WNK1: variants seen among roughly 807,000 people sequenced by gnomAD.
WNK1 encodes the protein WNK lysine deficient protein kinase 1.
Under a neutral mutation model 222.8 loss-of-function variants are expected in WNK1, and 38 were observed. The ratio of observed to expected loss-of-function variants is 0.17; its 90% CI spans 0.13 to 0.22. The LOEUF is 0.22. WNK1 is among the 10% of genes least tolerant of loss of function. The pLI is 1.00. For synonymous variants in WNK1, 1,090 were observed against 1,092.9 expected, an observed-to-expected ratio of 1.00 and a Z score of 0.05; for missense variants, 2,348 against 2,918.4, an observed-to-expected ratio of 0.80 and a Z score of 4.50.
intron 9 of WNK1, among the ~76,000 whole-genome samples, chr12:873,075 A>G (rs564779505): frequency 6.6e-6 from 1 of 152,350 alleles, no homozygotes; most frequent in East Asian, 1.9e-4. Flanking sequence ...TTAGAATGCA[A>G]ATTACAAGTC....
chr12:770,961 T>C (rs1942401681), intron 1 of WNK1, among the ~76,000 whole-genome samples: 1 of 152,196 alleles, frequency 6.6e-6, no homozygotes, highest in Non-Finnish European at 1.5e-5. Flanking sequence ...TAGTGTATGT[T>C]TGGAATACGT....
chr12:810,797 A>T (rs1407515510), intron 1 of WNK1, among the ~76,000 whole-genome samples: 2 of 152,230 alleles, frequency 1.3e-5, no homozygotes, highest in Non-Finnish European at 2.9e-5. Context: ...AGAAGAAATT[A>T]CATCAGTGGA....
At position 882,100 on chromosome 12, in the gene WNK1, A is replaced by T. The variant is rs748807160; in HGVS notation, c.3372+27A>T. 3.8e-6 allele frequency: 6 copies of T among 1,585,710 alleles called. No individual in the cohort carries two copies. The South Asian group carries it at 6.8e-5, about 18-fold the overall frequency. On this transcript the variant is annotated intron_variant, in intron 14 of 27. Transcript: ENST00000315939. ...TAAGTATTCCTAATTTGTGAGTTTC[A>T]TGTTGTTAAAGGAATTTGACACTGA...
intron 2 of WNK1, among the ~76,000 whole-genome samples, chr12:824,674 A>AC (rs1293557234): frequency 7.9e-5 from 6 of 75,738 alleles, no homozygotes; most frequent in Non-Finnish European, 1.3e-4. Flanking sequence ...TAGTTAAAAA[A>AC]AAGAGAGAAG....
At chr12:757,157 G>A (rs1056973341) in intron 1 of WNK1, among the ~76,000 whole-genome samples, 1 of 152,022 alleles carries the variant, frequency 6.6e-6, no homozygotes, top group Non-Finnish European at 1.5e-5. Context: ...TCAGGCTTCT[G>A]TTTTGGGTGT....
intron 26 of WNK1, among the ~76,000 whole-genome samples, chr12:901,247 TGG>T (rs1955229010): frequency 2.6e-5 from 4 of 152,204 alleles, no homozygotes; most frequent in Admixed American, 1.3e-4. Context: ...ATATAGGTAC[TGG>T]CTTATGTGCC....
At chr12:821,042 GTTTTTTTTTTTT>G (rs60880879) in intron 2 of WNK1, among the ~76,000 whole-genome samples, 7 of 79,118 alleles carry the variant, frequency 8.8e-5, no homozygotes, top group Admixed American at 1.6e-4. Context: ...AGTTTCTTGA[GTTTTTTTTTTTT>G]TTTTTTTTTT....
chr12:829,830 T>C (rs1186125549), intron 3 of WNK1, 173 bp from the exon 4 acceptor site: 5 of 655,370 alleles, frequency 7.6e-6, no homozygotes, highest in African/African-American at 3.6e-5. Flanking sequence ...TTATGAGATA[T>C]TTGATGGAAC....
chr12:869,213 T>A, intron 8 of WNK1: 1 of 1,490,170 alleles, frequency 6.7e-7, no homozygotes, highest in Non-Finnish European at 9.4e-7. Flanking sequence ...GAAATATTGT[T>A]TAATTTTATC....
chr12:905,488 T>A (rs971189247), intron 26 of WNK1, among the ~76,000 whole-genome samples: 9 of 152,162 alleles, frequency 5.9e-5, no homozygotes, highest in Admixed American at 3.3e-4. Context: ...CAGCATGAGC[T>A]CTGTGGATAA....
In WNK1 at chr12:911,280, A is replaced by AAAT. The variant is rs1490972284; in HGVS notation, c.*2491_*2493dup. The AAAT allele has an allele frequency of 5.0e-6, 2 of 398,466 alleles. No individual in the cohort carries two copies. Among genetic ancestry groups the AAAT allele is most frequent in the African/African-American group, 2.1e-5 (1 of 48,628 alleles). The allele number at this position is 398,466 out of a possible 1,614,324, so 24.7% of individuals were successfully genotyped here. On this transcript the variant is annotated 3_prime_UTR_variant, in exon 28 of 28. Coordinates refer to ENST00000315939, the MANE Select transcript of WNK1 (RefSeq NM_018979.4). The stretch of plus-strand genomic sequence containing the variant: ...ATTATTTAACAATGTACACTGTTAA[A>AAAT]AATAAAAATAAAAATTCAAACTTTG...
At chr12:894,231 T>C (rs911999401) in intron 22 of WNK1, among the ~76,000 whole-genome samples, 1 of 152,144 alleles carries the variant, frequency 6.6e-6, no homozygotes, top group African/African-American at 2.4e-5. Context: ...AAAATAAAGA[T>C]GGGTCCTTAA....
At chr12:782,980 T>G (rs1286649701) in intron 1 of WNK1, among the ~76,000 whole-genome samples, 1 of 152,044 alleles carries the variant, frequency 6.6e-6, no homozygotes, top group East Asian at 1.9e-4. Flanking sequence ...TATGGCTCAC[T>G]GCAGCTTCGA....
rs770965983 is a variant in WNK1 at position 882,001 on chromosome 12, G to T, written c.3300G>T (p.Arg1100=). ...GGCATGAAGGAAGAACTACAAAACG[G>T]CATTACCGAAAATCTGTAAGGAGTC... The part of the protein sequence containing the change: ...SGRHEGRTTK[R]HYRKSVRSRS... Residue 1100 remains arginine, a synonymous_variant, in exon 14 of 28, where the codon CGG becomes CGT. Transcript: ENST00000315939. The T allele has an allele frequency of 6.2e-7, 1 of 1,614,096 alleles. No individual in the cohort carries two copies. Among genetic ancestry groups the T allele is most frequent in the Admixed American group, 1.7e-5 (1 of 60,014 alleles).
In WNK1 at chr12:865,189, T is replaced by TC. The variant is rs11441897; in HGVS notation, c.2139+2920dup. On this transcript the variant is annotated intron_variant, in intron 8 of 27. Coordinates refer to ENST00000315939, the MANE Select transcript of WNK1 (RefSeq NM_018979.4). ...CTGTGTCCCGCATCTCTCCCAGTGC[T>TC]CTTCCACCCCACCGCCAGTACTGTC... 902,557 of 1,534,460 alleles carry TC rather than the reference T, an allele frequency of 0.59. 267,958 individuals carry two copies. The highest frequency in any genetic ancestry group is 0.61 in the Non-Finnish European group (695,042 of 1,146,024).
rs770211200 is a variant in WNK1, at chr12:885,404, C to G, written c.4600C>G (p.His1534Asp). 1 of 1,613,706 alleles carries G rather than the reference C, an allele frequency of 6.2e-7. No individual in the cohort carries two copies. The highest frequency in any genetic ancestry group is 8.5e-7 in the Non-Finnish European group (1 of 1,180,036). Residue 1534 changes from histidine to aspartate, a missense_variant, in exon 19 of 28, where the codon CAT becomes GAT. Transcript: ENST00000315939. ...VSAHSLDKTS[H>D]SSTTGLAFSL... is the part of the protein sequence containing the mutation. ...CGCACACTCACTAGATAAGACATCT[C>G]ATAGCAGTACAACTGGATTGGCTTT...
intron 4 of WNK1, 126 bp from the exon 5 acceptor site, chr12:857,035 T>G (rs1950845040): frequency 1.1e-6 from 1 of 923,136 alleles, no homozygotes; most frequent in African/African-American, 1.7e-5. Context: ...GACCAACTCC[T>G]GCAGGCGAGT....
Position 892,854 on chromosome 12 carries a change from T to C in WNK1, c.5510-1708T>C, listed in dbSNP as rs530285236. Among the ~76,000 whole-genome samples the C allele has an allele frequency of 7.9e-5, 12 of 152,270 alleles. No individual in the cohort carries two copies. The South Asian group carries it at 2.5e-3, about 32-fold the overall frequency. On this transcript the variant is annotated intron_variant, in intron 22 of 27. Coordinates refer to ENST00000315939, the MANE Select transcript of WNK1 (RefSeq NM_018979.4). Reference sequence around the variant, plus strand: ...TTGGTACAGCCTCTGGGGGGATCAGTTTATAATAGTGATGTCTACTACAGT... The same window carrying C: ...TTGGTACAGCCTCTGGGGGGATCAGCTTATAATAGTGATGTCTACTACAGT...
chr12:817,768 A>G (rs1271762536), intron 2 of WNK1, among the ~76,000 whole-genome samples: 1 of 152,120 alleles, frequency 6.6e-6, no homozygotes, highest in Non-Finnish European at 1.5e-5. Context: ...CCTGTCCAAC[A>G]TGGTGAAACC....
Sources: allele counts gnomAD v4.1 joint callset (sites outside exome capture counted in the v4.1 genomes callset), GRCh38; gene constraint gnomAD v4.1.1; transcripts MANE v1.5; gene names NCBI Gene and HGNC (gene_info 2026-07-23, HGNC 2026-07-21).